The following RANBP2 variants were observed in gnomAD, a reference collection of about 807,000 sequenced individuals.
The protein encoded by RANBP2 is E3 SUMO-protein ligase RanBP2.
In RANBP2, 57 loss-of-function variants were observed where a neutral mutation model predicts 303.6. The ratio of observed to expected loss-of-function variants is 0.19; its 90% CI spans 0.15 to 0.23. The LOEUF (loss-of-function observed/expected upper bound fraction) is 0.23. Among genes scored for constraint, RANBP2 ranks in the 10% least tolerant of loss-of-function variants. The probability of loss-of-function intolerance (pLI) is 1.00; values close to 1 mark genes in which losing one functional copy is unlikely to be tolerated. For synonymous variants in RANBP2, 1,167 were observed against 1,301.5 expected, an observed-to-expected ratio of 0.90 and a Z score of 2.23; for missense variants, 3,138 against 3,780.8, an observed-to-expected ratio of 0.83 and a Z score of 4.46.
At chr2:108,976,709 T>C in the RANBP2 span, among the ~76,000 whole-genome samples, 1 of 152,214 alleles carries the variant, frequency 6.6e-6, no homozygotes, top group Non-Finnish European at 1.5e-5. Context: ...AATATTACAT[T>C]ATTTATTTTG....
chr2:108,723,877 A>G (rs1306741123), intron 1 of RANBP2, among the ~76,000 whole-genome samples: 1 of 148,742 alleles, frequency 6.7e-6, no homozygotes, highest in Non-Finnish European at 1.5e-5. Flanking sequence ...TAATCCCATC[A>G]ATTGCAGCTT....
At chr2:109,567,011 A>C in the RANBP2 span, among the ~76,000 whole-genome samples, 10 of 152,004 alleles carry the variant, frequency 6.6e-5, no homozygotes, top group African/African-American at 1.5e-4. Context: ...CATTTACATT[A>C]GTCAGTTTTT....
At chr2:109,379,477 A>T in the RANBP2 span, among the ~76,000 whole-genome samples, 1 of 152,180 alleles carries the variant, frequency 6.6e-6, no homozygotes, top group Non-Finnish European at 1.5e-5. Flanking sequence ...CTGCTGACAG[A>T]TGTGGCCGCT....
chr2:109,327,460 C>T, the RANBP2 span, among the ~76,000 whole-genome samples: 1 of 151,934 alleles, frequency 6.6e-6, no homozygotes, highest in Non-Finnish European at 1.5e-5. Flanking sequence ...CAAGGACTTT[C>T]ACTCTTCCAC....
chr2:109,358,013 G>T, the RANBP2 span, among the ~76,000 whole-genome samples: 1 of 152,150 alleles, frequency 6.6e-6, no homozygotes, highest in South Asian at 2.1e-4. Flanking sequence ...TACAAAGTAG[G>T]TTCACTGCCC....
the RANBP2 span, among the ~76,000 whole-genome samples, chr2:108,997,956 C>T: frequency 2.0e-5 from 3 of 152,188 alleles, no homozygotes; most frequent in East Asian, 1.9e-4. Context: ...CATGAGCAAG[C>T]TGGCTAAGTC....
chr2:109,532,271 C>T, the RANBP2 span, among the ~76,000 whole-genome samples: 1 of 152,228 alleles, frequency 6.6e-6, no homozygotes, highest in Admixed American at 6.5e-5. Context: ...TCGGTCACTA[C>T]CAGACTTGGG....
chr2:109,515,769 C>T, the RANBP2 span, among the ~76,000 whole-genome samples: 117,070 of 152,106 alleles, frequency 0.77, 46,239 homozygotes, highest in Non-Finnish European at 0.87. Flanking sequence ...GGTGAGGCCT[C>T]GGGAGGCAAA....
chr2:108,752,829 G>A (rs1480515326), intron 12 of RANBP2, among the ~76,000 whole-genome samples, 169 bp from the exon 13 acceptor site: 1 of 151,850 alleles, frequency 6.6e-6, no homozygotes, highest in Non-Finnish European at 1.5e-5. Flanking sequence ...ATGATCACTG[G>A]TGTTAAGGTG....
chr2:109,328,605 C>T, the RANBP2 span, among the ~76,000 whole-genome samples: 8 of 152,178 alleles, frequency 5.3e-5, no homozygotes, highest in South Asian at 4.1e-4. Context: ...TCTAATCTAG[C>T]GTTCCAGGTT....
the RANBP2 span, among the ~76,000 whole-genome samples, chr2:109,570,071 A>G: frequency 6.6e-6 from 1 of 152,220 alleles, no homozygotes; most frequent in Non-Finnish European, 1.5e-5. Context: ...GGCCAAATCA[A>G]GTAATTTCAG....
chr2:109,679,997 C>T, the RANBP2 span, among the ~76,000 whole-genome samples: 3 of 151,552 alleles, frequency 2.0e-5, no homozygotes, highest in African/African-American at 4.9e-5. Flanking sequence ...TGAAAGACAG[C>T]GGGCAGTTTC....
the RANBP2 span, among the ~76,000 whole-genome samples, chr2:109,606,442 G>A: frequency 2.1e-4 from 32 of 152,094 alleles, no homozygotes; most frequent in African/African-American, 7.5e-4. Flanking sequence ...AATAAAATGT[G>A]ATAACACAAG....
chr2:109,337,248 A>G, the RANBP2 span, among the ~76,000 whole-genome samples: 13 of 152,120 alleles, frequency 8.5e-5, no homozygotes, highest in Non-Finnish European at 1.6e-4. Flanking sequence ...TTGAGAGGTA[A>G]GAGCTTGGGC....
At chr2:109,544,709 A>G in the RANBP2 span, 1 of 849,394 alleles carries the variant, frequency 1.2e-6, no homozygotes, top group South Asian at 5.4e-5. Context: ...CATGTTGAAA[A>G]GCAGTAATAA....
chr2:109,088,836 A>G, the RANBP2 span, among the ~76,000 whole-genome samples: 1 of 152,226 alleles, frequency 6.6e-6, no homozygotes, highest in African/African-American at 2.4e-5. Context: ...TAAAAGAAAA[A>G]ATAAAAGTAA....
chr2:109,433,730 G>T, the RANBP2 span, among the ~76,000 whole-genome samples: 1 of 152,222 alleles, frequency 6.6e-6, no homozygotes, highest in Admixed American at 6.5e-5. Flanking sequence ...CTCTCGAGGT[G>T]CCCAGAAGCG....
the RANBP2 span, among the ~76,000 whole-genome samples, chr2:109,356,363 T>C: frequency 6.6e-6 from 1 of 152,200 alleles, no homozygotes; most frequent in Non-Finnish European, 1.5e-5. Flanking sequence ...GCCACCACAC[T>C]GCAGCTAGGT....
chr2:109,585,232 C>T, the RANBP2 span: 1 of 1,612,734 alleles, frequency 6.2e-7, no homozygotes, highest in Non-Finnish European at 8.5e-7. Flanking sequence ...TTAAGTTTAA[C>T]ATTTGGGCAA....
Sources: gnomAD v4.1 joint callset for allele counts (sites outside exome capture counted in the v4.1 genomes callset) on GRCh38, gnomAD v4.1.1 for gene constraint, MANE v1.5 for transcripts, NCBI Gene and HGNC (gene_info 2026-07-23, HGNC 2026-07-21) for gene names.